TMEM154: variants seen among roughly 807,000 people sequenced by gnomAD.
TMEM154 encodes transmembrane protein 154.
Under a neutral mutation model 24.5 loss-of-function variants are expected in TMEM154, and 27 were observed. The ratio of observed to expected loss-of-function variants is 1.10; its 90% CI spans 0.81 to 1.52. TMEM154 has a LOEUF of 1.52. TMEM154 is among the 40% of genes most tolerant of loss of function. The probability of loss-of-function intolerance (pLI) is 0.00; values close to 1 mark genes in which losing one functional copy is unlikely to be tolerated. For missense variants in TMEM154, 228 were observed against 213.4 expected, an observed-to-expected ratio of 1.07 and a Z score of -0.43; for synonymous variants, 67 against 76.8, an observed-to-expected ratio of 0.87 and a Z score of 0.67.
intron 3 of TMEM154, among the ~76,000 whole-genome samples, chr4:152,645,294 C>A (rs1006903903): frequency 3.9e-5 from 6 of 152,146 alleles, no homozygotes; most frequent in Admixed American, 3.3e-4. Flanking sequence ...CTCAATTGTC[C>A]AGCACTGGGG....
intron 1 of TMEM154, among the ~76,000 whole-genome samples, chr4:152,655,768 T>G (rs989615376): frequency 2.0e-5 from 3 of 152,206 alleles, no homozygotes; most frequent in African/African-American, 7.2e-5. Context: ...GCTGGCTGCC[T>G]ATGGTTGCTC....
Position 152,652,584 on chromosome 4 carries a change from A to C in TMEM154, c.326-8T>G. 2 of 1,614,032 alleles carry C rather than the reference A, an allele frequency of 1.2e-6. No individual in the cohort carries two copies. The highest frequency in any genetic ancestry group is 1.7e-6 in the Non-Finnish European group (2 of 1,179,966). ...ATCCTTGGCTAGAAGGTTCTGTATC[A>C]AAGCAAAGAATATTTTGTTTTATTG... On this transcript the variant is annotated splice_polypyrimidine_tract_variant and splice_region_variant and intron_variant, in intron 2 of 6. Transcript: ENST00000304385.
At chr4:152,639,210 C>G (rs1752206670) in intron 6 of TMEM154, among the ~76,000 whole-genome samples, 1 of 152,286 alleles carries the variant, frequency 6.6e-6, no homozygotes, top group Non-Finnish European at 1.5e-5. Flanking sequence ...CTCAGCCTCC[C>G]AAAGTGTTGG....
At position 152,666,046 on chromosome 4, in the gene TMEM154, C is replaced by T. The variant is rs138454890; in HGVS notation, c.65-13119G>A. ...CTCAAGCGATCCTGCTTCAGCCTCCCAAAGTGCCAGGATTACAGGCATGAG... is the reference window on the plus strand; with the variant it reads ...CTCAAGCGATCCTGCTTCAGCCTCCTAAAGTGCCAGGATTACAGGCATGAG... On this transcript the variant is annotated intron_variant, in intron 1 of 6. Transcript: ENST00000304385. 4.6e-5 allele frequency among the ~76,000 whole-genome samples: 7 copies of T among 152,050 alleles called. No homozygotes were observed. In the East Asian group the frequency reaches 1.4e-3, roughly 30 times the overall value.
At chr4:152,658,124 A>G (rs1323303250) in intron 1 of TMEM154, among the ~76,000 whole-genome samples, 2 of 152,222 alleles carry the variant, frequency 1.3e-5, no homozygotes, top group East Asian at 3.8e-4. Flanking sequence ...CAAGTCAATA[A>G]TAAGAAGAAC....
At chr4:152,655,822 T>C (rs1331297544) in intron 1 of TMEM154, among the ~76,000 whole-genome samples, 3 of 152,146 alleles carry the variant, frequency 2.0e-5, no homozygotes, top group Non-Finnish European at 4.4e-5. Context: ...GGCAGCAGTG[T>C]AGTCACTGCT....
chr4:152,670,765 G>A (rs1463414651), intron 1 of TMEM154, among the ~76,000 whole-genome samples: 1 of 152,102 alleles, frequency 6.6e-6, no homozygotes, highest in Non-Finnish European at 1.5e-5. Context: ...ATATATACAA[G>A]TAAATCTTGG....
At chr4:152,649,864 G>A (rs1344041473) in intron 3 of TMEM154, among the ~76,000 whole-genome samples, 3 of 152,134 alleles carry the variant, frequency 2.0e-5, no homozygotes, top group African/African-American at 7.2e-5. Flanking sequence ...TTGCAATAAA[G>A]CAAGTCACAT....
At chr4:152,661,324 C>G (rs1561055011) in intron 1 of TMEM154, among the ~76,000 whole-genome samples, 1 of 148,290 alleles carries the variant, frequency 6.7e-6, no homozygotes, top group African/African-American at 2.5e-5. Context: ...CTCTCTCTCT[C>G]TCTCTCTCTC....
intron 1 of TMEM154, among the ~76,000 whole-genome samples, chr4:152,654,305 G>T (rs1020697727): frequency 1.3e-5 from 2 of 152,206 alleles, no homozygotes; most frequent in Admixed American, 1.3e-4. Flanking sequence ...TAAGGTGAAA[G>T]GAACTATGCA....
At chr4:152,639,194 G>A (rs1164774135) in intron 6 of TMEM154, among the ~76,000 whole-genome samples, 1 of 152,084 alleles carries the variant, frequency 6.6e-6, no homozygotes, top group African/African-American at 2.4e-5. Flanking sequence ...CAGGTGATCT[G>A]CCTGCCTCAG....
intron 6 of TMEM154, among the ~76,000 whole-genome samples, chr4:152,635,370 T>C (rs1324059934): frequency 3.3e-5 from 5 of 152,240 alleles, no homozygotes; most frequent in Admixed American, 6.5e-5. Context: ...AAAGAAACTT[T>C]TCTCTAGATT....
intron 6 of TMEM154, among the ~76,000 whole-genome samples, chr4:152,634,700 ATTAT>A: frequency 6.6e-6 from 1 of 152,234 alleles, no homozygotes; most frequent in East Asian, 1.9e-4. Context: ...TTTTAATAAT[ATTAT>A]TTGAGGTTAT....
intron 6 of TMEM154, among the ~76,000 whole-genome samples, chr4:152,637,268 G>A (rs1401510687): frequency 4.6e-5 from 7 of 152,160 alleles, no homozygotes; most frequent in African/African-American, 9.6e-5. Flanking sequence ...AGCTACTGCC[G>A]GGTGCGGTGT....
At chr4:152,642,679 T>C (rs893252833) in intron 5 of TMEM154, among the ~76,000 whole-genome samples, 1 of 152,208 alleles carries the variant, frequency 6.6e-6, no homozygotes, top group African/African-American at 2.4e-5. Context: ...TTGGTGATTA[T>C]CTATTACGTT....
chr4:152,628,386 A>G lies in TMEM154; in HGVS notation c.*160T>C, dbSNP rs960961607. 18 of 1,196,364 alleles carry G rather than the reference A, an allele frequency of 1.5e-5. No individual in the cohort carries two copies. Among genetic ancestry groups the G allele is most frequent in the Middle Eastern group, 2.1e-4 (1 of 4,856 alleles). 74.1% of individuals were successfully genotyped at this position (1,196,364 alleles called of 1,614,324 possible). On this transcript the variant is annotated 3_prime_UTR_variant, in exon 7 of 7. Coordinates refer to ENST00000304385, the MANE Select transcript of TMEM154 (RefSeq NM_152680.3). ...CATTCTTCCAAGTGCAAGTGATGCC[A>G]TCATTAGGAAGAGTGGGCGTTGGAA...
intron 6 of TMEM154, among the ~76,000 whole-genome samples, chr4:152,635,140 T>C (rs1227665780): frequency 6.6e-6 from 1 of 152,228 alleles, no homozygotes; most frequent in Non-Finnish European, 1.5e-5. Context: ...AAAGCTCGCA[T>C]AAAACTGCTG....
intron 6 of TMEM154, 77 bp from the exon 7 acceptor site, chr4:152,628,638 C>CTTTT: frequency 3.2e-6 from 3 of 945,472 alleles, no homozygotes; most frequent in South Asian, 2.0e-5. Flanking sequence ...ATATTTCTTT[C>CTTTT]TTTTTTTTTT....
intron 6 of TMEM154, among the ~76,000 whole-genome samples, chr4:152,636,175 G>A (rs1451343392): frequency 1.3e-5 from 2 of 152,196 alleles, no homozygotes; most frequent in Admixed American, 6.5e-5. Context: ...ATAAGGGAGT[G>A]TGTTTTCTAC....
Sources: gnomAD v4.1 joint callset for allele counts (sites outside exome capture counted in the v4.1 genomes callset) on GRCh38, gnomAD v4.1.1 for gene constraint, MANE v1.5 for transcripts, NCBI Gene and HGNC (gene_info 2026-07-23, HGNC 2026-07-21) for gene names.